The following GLIS3 variants were observed in gnomAD, a reference collection of about 807,000 sequenced individuals.
GLIS3 encodes the protein zinc finger protein GLIS3.
Under a neutral mutation model 78.6 loss-of-function variants are expected in GLIS3, and 53 were observed. That is an observed-to-expected ratio of 0.67 (90% CI 0.54 to 0.85). The LOEUF (loss-of-function observed/expected upper bound fraction) is 0.85, where lower values mean the gene tolerates loss of function less well. Ranked by LOEUF, GLIS3 falls within the 40% of genes least tolerant of loss-of-function variation. The pLI is 0.00. For synonymous variants in GLIS3, 684 were observed against 509.9 expected (o/e 1.34, Z -4.60); for missense variants, 1,703 against 1,231.1 (o/e 1.38, Z -5.74).
chr9:4,318,198 A>G (rs894330508), intron 2 of GLIS3, among the ~76,000 whole-genome samples: 2 of 152,120 alleles, frequency 1.3e-5, no homozygotes, highest in African/African-American at 4.8e-5. Flanking sequence ...ACAATGATGG[A>G]AAGTGGGGAG....
the GLIS3 span, among the ~76,000 whole-genome samples, chr9:4,399,080 A>ACTTC: frequency 6.6e-6 from 1 of 152,188 alleles, no homozygotes; most frequent in Non-Finnish European, 1.5e-5. Context: ...GATAACAACC[A>ACTTC]CTTCCTAGTG....
At chr9:3,900,443 T>C (rs1477982482) in intron 6 of GLIS3, among the ~76,000 whole-genome samples, 2 of 150,060 alleles carry the variant, frequency 1.3e-5, no homozygotes, top group Non-Finnish European at 3.0e-5. Context: ...ATTCTAGAAC[T>C]TGTCTTAAGG....
the GLIS3 span, among the ~76,000 whole-genome samples, chr9:4,463,877 T>C: frequency 6.6e-6 from 1 of 152,230 alleles, no homozygotes; most frequent in South Asian, 2.1e-4. Flanking sequence ...AGCAGTCATT[T>C]GTACGTGTGG....
chr9:3,925,383 C>G (rs938017942), intron 6 of GLIS3, among the ~76,000 whole-genome samples: 8 of 152,104 alleles, frequency 5.3e-5, no homozygotes, highest in African/African-American at 1.9e-4. Flanking sequence ...CTGGCATGGG[C>G]CTCGCCTGTA....
chr9:4,399,647 AAG>A, the GLIS3 span, among the ~76,000 whole-genome samples: 6 of 152,326 alleles, frequency 3.9e-5, no homozygotes, highest in Admixed American at 1.3e-4. Context: ...CTATATATCA[AAG>A]AGTTATTTTT....
intron 4 of GLIS3, among the ~76,000 whole-genome samples, chr9:4,009,105 C>T (rs1163130267): frequency 6.6e-6 from 1 of 152,196 alleles, no homozygotes; most frequent in African/African-American, 2.4e-5. Context: ...AGATTAATGT[C>T]ATAGAATCTA....
intron 2 of GLIS3, among the ~76,000 whole-genome samples, chr9:4,321,237 G>T (rs112123615): frequency 2.1e-5 from 3 of 139,884 alleles, no homozygotes; most frequent in African/African-American, 8.8e-5. Flanking sequence ...TGGCTAACAC[G>T]GTGAAACCCC....
At chr9:4,304,754 C>A (rs1334040029), upstream of GLIS3, among the ~76,000 whole-genome samples, 1 of 152,166 alleles carries the variant, frequency 6.6e-6, no homozygotes, top group African/African-American at 2.4e-5. Context: ...GCTTTTCAGA[C>A]TCCTCCCCAA....
intron 4 of GLIS3, among the ~76,000 whole-genome samples, chr9:4,045,074 A>AG (rs1372884654): frequency 6.6e-6 from 1 of 152,216 alleles, no homozygotes; most frequent in African/African-American, 2.4e-5. Context: ...ACTCAACTGC[A>AG]GCCAACAGCA....
intron 4 of GLIS3, among the ~76,000 whole-genome samples, chr9:3,997,611 G>A (rs976930558): frequency 2.0e-5 from 3 of 151,936 alleles, no homozygotes; most frequent in Admixed American, 6.5e-5. Flanking sequence ...TTCTAGGAAA[G>A]TAAGATTCAT....
chr9:4,199,919 T>A (rs1563743936), intron 2 of GLIS3, among the ~76,000 whole-genome samples: 1 of 151,992 alleles, frequency 6.6e-6, no homozygotes, highest in Non-Finnish European at 1.5e-5. Context: ...ATAAAGCAAG[T>A]CACAATAAAT....
chr9:4,469,224 C>A, the GLIS3 span, among the ~76,000 whole-genome samples: 3 of 152,216 alleles, frequency 2.0e-5, no homozygotes, highest in South Asian at 6.2e-4. Flanking sequence ...TTAGACAGAT[C>A]AATGAGACAG....
At chr9:4,146,587 G>C (rs1416132469) in intron 2 of GLIS3, among the ~76,000 whole-genome samples, 1 of 152,022 alleles carries the variant, frequency 6.6e-6, no homozygotes, top group Non-Finnish European at 1.5e-5. Context: ...AGATTGAAAA[G>C]AATAAAAGTC....
intron 1 of GLIS3, among the ~76,000 whole-genome samples, chr9:4,290,548 T>C (rs998657634): frequency 3.3e-5 from 5 of 152,118 alleles, no homozygotes; most frequent in African/African-American, 7.2e-5. Flanking sequence ...AGCCTATTGA[T>C]AGATAATATA....
chr9:3,893,352 C>A (rs1008539960), intron 7 of GLIS3, among the ~76,000 whole-genome samples: 5 of 152,060 alleles, frequency 3.3e-5, no homozygotes, highest in Non-Finnish European at 7.3e-5. Flanking sequence ...ACTGAAGCAC[C>A]AAATTAAGCA....
chr9:3,842,800 A>G (rs1215500430), intron 9 of GLIS3, among the ~76,000 whole-genome samples: 1 of 152,260 alleles, frequency 6.6e-6, no homozygotes, highest in African/African-American at 2.4e-5. Context: ...CAAACATCTG[A>G]AAGTTTTCCA....
At chr9:4,159,334 A>T (rs943524116) in intron 2 of GLIS3, among the ~76,000 whole-genome samples, 1 of 152,162 alleles carries the variant, frequency 6.6e-6, no homozygotes, top group South Asian at 2.1e-4. Flanking sequence ...TTCAATACGG[A>T]TGATCATGTT....
At chr9:4,143,593 T>C (rs534813875) in intron 2 of GLIS3, among the ~76,000 whole-genome samples, 1 of 151,900 alleles carries the variant, frequency 6.6e-6, no homozygotes, top group Non-Finnish European at 1.5e-5. Flanking sequence ...AAAAAAAAAC[T>C]ACTCTCTTAA....
the GLIS3 span, among the ~76,000 whole-genome samples, chr9:4,468,004 G>A: frequency 1.3e-5 from 2 of 152,198 alleles, no homozygotes; most frequent in Admixed American, 6.5e-5. Context: ...ACAAGGTTCA[G>A]TAGTCGATTC....
Sources: allele counts gnomAD v4.1 joint callset (sites outside exome capture counted in the v4.1 genomes callset), GRCh38; gene constraint gnomAD v4.1.1; transcripts MANE v1.5; gene names NCBI Gene and HGNC (gene_info 2026-07-23, HGNC 2026-07-21).